Variants in ETV6 observed in about 807,000 individuals in gnomAD.
ETV6 encodes transcription factor ETV6.
Under a neutral mutation model 51.1 loss-of-function variants are expected in ETV6, and 16 were observed. The ratio of observed to expected loss-of-function variants is 0.31; its 90% CI spans 0.21 to 0.48. The LOEUF is 0.48. Among genes scored for constraint, ETV6 ranks in the 20% least tolerant of loss-of-function variants. ETV6 has a pLI of 0.99. For missense variants in ETV6, 458 were observed against 594.8 expected (o/e 0.77, Z 2.39); for synonymous variants, 240 against 224.1 (o/e 1.07, Z -0.64).
At chr12:11,818,106 G>GA (rs2136430659) in intron 2 of ETV6, among the ~76,000 whole-genome samples, 1 of 152,310 alleles carries the variant, frequency 6.6e-6, no homozygotes, top group South Asian at 2.1e-4. Context: ...AAAGTGCTGG[G>GA]AAAAAAGGTC....
Position 11,655,866 on chromosome 12 carries a change from G to A in ETV6, c.33+5706G>A, listed in dbSNP as rs75054645. On this transcript the variant is annotated intron_variant, in intron 1 of 7. Coordinates refer to ENST00000396373, the MANE Select transcript of ETV6 (RefSeq NM_001987.5). ...CTGCTCACTCAGCCCTATGGATTTC[G>A]CTTACAGGAAACGGTAGAATGCTTG... 7.7e-3 allele frequency among the ~76,000 whole-genome samples: 1,176 copies of A among 152,276 alleles called. 11 individuals are homozygous for A. The highest frequency in any genetic ancestry group is 0.026 in the African/African-American group (1,078 of 41,544).
chr12:11,737,952 T>A (rs1338422144), intron 1 of ETV6, among the ~76,000 whole-genome samples: 2 of 152,146 alleles, frequency 1.3e-5, no homozygotes. Context: ...TGTTATTTTT[T>A]AGCCTTGCAG....
chr12:11,860,014 A>G (rs188614829), intron 4 of ETV6, among the ~76,000 whole-genome samples: 129 of 152,288 alleles, frequency 8.5e-4, no homozygotes, highest in African/African-American at 2.9e-3. Context: ...CCGTCTTAGC[A>G]TCACGAAAAT....
intron 2 of ETV6, among the ~76,000 whole-genome samples, chr12:11,807,431 C>A (rs1945845001): frequency 6.6e-6 from 1 of 152,156 alleles, no homozygotes; most frequent in Admixed American, 6.5e-5. Flanking sequence ...CATGCACGGT[C>A]AGAAAACGGT....
In ETV6 at chr12:11,884,918, ACT is replaced by A. The variant is rs894727890; in HGVS notation, c.1152+336_1152+337del. ...CTGGGTAAAAGGGAAGTACAGCAAGACTCTCTGACTCACAGGGGACCTTTGGG... is the reference window on the plus strand; with the variant it reads ...CTGGGTAAAAGGGAAGTACAGCAAGACTCTGACTCACAGGGGACCTTTGGG... On this transcript the variant is annotated intron_variant, in intron 6 of 7. Transcript: ENST00000396373. Among the ~76,000 whole-genome samples the A allele has an allele frequency of 3.3e-5, 5 of 151,688 alleles. No homozygotes were observed. The East Asian group carries it at 9.6e-4, about 29-fold the overall frequency.
chr12:11,889,493 TGAA>T (rs1472985880), intron 7 of ETV6, among the ~76,000 whole-genome samples: 1 of 152,186 alleles, frequency 6.6e-6, no homozygotes, highest in Non-Finnish European at 1.5e-5. Flanking sequence ...GTTTGAGTGT[TGAA>T]GAAGATGGAG....
chr12:11,734,529 G>GAA (rs369367648), intron 1 of ETV6, among the ~76,000 whole-genome samples: 4 of 126,344 alleles, frequency 3.2e-5, no homozygotes, highest in African/African-American at 1.2e-4. Context: ...AAAAAAAAAA[G>GAA]AAAAAAAAAA....
At chr12:11,851,820 G>A (rs577713234) in intron 3 of ETV6, among the ~76,000 whole-genome samples, 1 of 152,302 alleles carries the variant, frequency 6.6e-6, no homozygotes, top group East Asian at 1.9e-4. Context: ...TTAGAATAGG[G>A]TATCCGTGGA....
intron 1 of ETV6, among the ~76,000 whole-genome samples, chr12:11,690,922 T>C (rs1864747673): frequency 1.9e-5 from 1 of 53,006 alleles, no homozygotes; most frequent in African/African-American, 4.8e-5. Flanking sequence ...TTATATAAAA[T>C]AAATAGTGTA....
Position 11,650,068 on chromosome 12 carries a change from G to GGGAGA in ETV6, c.-56_-52dup. ...CTGGCCGTGGAGCCTTTCTGGGTTG[G>GGGAGA]GGAGAGGAAAGGAAAGTGGAAAAAA... On this transcript the variant is annotated 5_prime_UTR_variant, in exon 1 of 8. The change creates a premature stop within an existing upstream ORF in the 5' untranslated region. Transcript: ENST00000396373. The GGGAGA allele has an allele frequency of 6.6e-7, 1 of 1,512,366 alleles. No individual in the cohort carries two copies. The highest frequency in any genetic ancestry group is 9.2e-7 in the Non-Finnish European group (1 of 1,087,716). The allele number at this position is 1,512,366 out of a possible 1,614,324, so 93.7% of individuals were successfully genotyped here.
At chr12:11,780,956 A>G (rs897115481) in intron 2 of ETV6, among the ~76,000 whole-genome samples, 9 of 152,240 alleles carry the variant, frequency 5.9e-5, no homozygotes, top group African/African-American at 2.2e-4. Flanking sequence ...ACCAAAGGTG[A>G]ACAGCTTGGG....
At chr12:11,883,620 C>G (rs1202519010) in intron 5 of ETV6, among the ~76,000 whole-genome samples, 1 of 151,974 alleles carries the variant, frequency 6.6e-6, no homozygotes, top group African/African-American at 2.4e-5. Context: ...ATTTACTAGC[C>G]CACAGCCAAA....
At chr12:11,650,512 A>AAAAAAAAAAAG (rs1863884268) in intron 1 of ETV6, among the ~76,000 whole-genome samples, 1 of 150,352 alleles carries the variant, frequency 6.7e-6, no homozygotes, top group Admixed American at 6.6e-5. Context: ...ACAAAAAAAA[A>AAAAAAAAAAAG]AAACCTGCTC....
At chr12:11,764,657 G>C (rs1377282257) in intron 2 of ETV6, among the ~76,000 whole-genome samples, 2 of 152,222 alleles carry the variant, frequency 1.3e-5, no homozygotes, top group African/African-American at 4.8e-5. Context: ...GTTGAAGTAA[G>C]TGGTCAGGAA....
intron 2 of ETV6, among the ~76,000 whole-genome samples, chr12:11,753,176 G>A (rs893603457): frequency 3.3e-5 from 5 of 151,978 alleles, no homozygotes; most frequent in Non-Finnish European, 5.9e-5. Flanking sequence ...GCTGCAGTCT[G>A]TAGTGGTTCC....
intron 2 of ETV6, among the ~76,000 whole-genome samples, chr12:11,828,115 A>G (rs1946186569): frequency 6.6e-6 from 1 of 152,114 alleles, no homozygotes. Context: ...ACATATCAGT[A>G]AGTTTGATAA....
chr12:11,726,059 T>A (rs1865482940), intron 1 of ETV6, among the ~76,000 whole-genome samples: 1 of 152,254 alleles, frequency 6.6e-6, no homozygotes, highest in South Asian at 2.1e-4. Flanking sequence ...GAATTGTATA[T>A]TAGCTATTTC....
At chr12:11,661,033 A>G (rs1322627902) in intron 1 of ETV6, among the ~76,000 whole-genome samples, 1 of 152,212 alleles carries the variant, frequency 6.6e-6, no homozygotes, top group African/African-American at 2.4e-5. Context: ...TGTGTCACCC[A>G]TGCTGAACTA....
At chr12:11,717,411 A>T (rs1865297808) in intron 1 of ETV6, among the ~76,000 whole-genome samples, 1 of 152,234 alleles carries the variant, frequency 6.6e-6, no homozygotes, top group South Asian at 2.1e-4. Flanking sequence ...GTGCACAGGG[A>T]TTCAGACAGA....
Sources: allele counts gnomAD v4.1 joint callset (sites outside exome capture counted in the v4.1 genomes callset), GRCh38; gene constraint gnomAD v4.1.1; transcripts MANE v1.5; gene names NCBI Gene and HGNC (gene_info 2026-07-23, HGNC 2026-07-21).